The following ST6GALNAC3 variants were observed in gnomAD, a reference collection of about 807,000 sequenced individuals.
ST6GALNAC3 encodes alpha-N-acetylgalactosaminide alpha-2,6-sialyltransferase 3.
Under a neutral mutation model 32.7 loss-of-function variants are expected in ST6GALNAC3, and 25 were observed. That is an observed-to-expected ratio of 0.76 (90% CI 0.56 to 1.07). The LOEUF is 1.07. ST6GALNAC3 is among the 50% of genes least tolerant of loss of function. The pLI is 0.00. For missense variants in ST6GALNAC3, 355 were observed against 382.4 expected (o/e 0.93, Z 0.60); for synonymous variants, 129 against 133.1 (o/e 0.97, Z 0.21).
At chr1:76,228,073 G>A (rs1289500243) in intron 1 of ST6GALNAC3, among the ~76,000 whole-genome samples, 1 of 152,202 alleles carries the variant, frequency 6.6e-6, no homozygotes, top group Non-Finnish European at 1.5e-5. Context: ...CAAGAGAATT[G>A]AGGTTAGGAG....
At chr1:76,425,467 C>A (rs1371576834) in intron 3 of ST6GALNAC3, among the ~76,000 whole-genome samples, 1 of 151,900 alleles carries the variant, frequency 6.6e-6, no homozygotes, top group African/African-American at 2.4e-5. Context: ...GAAATGCAGT[C>A]TTTTACAAAC....
At chr1:76,150,646 G>T (rs1469902572) in intron 1 of ST6GALNAC3, among the ~76,000 whole-genome samples, 1 of 150,586 alleles carries the variant, frequency 6.6e-6, no homozygotes, top group African/African-American at 2.4e-5. Flanking sequence ...TGGTGCAGTG[G>T]TAGGATTCTG....
chr1:76,556,411 G>C (rs1321913270), intron 3 of ST6GALNAC3, among the ~76,000 whole-genome samples: 2 of 152,040 alleles, frequency 1.3e-5, no homozygotes, highest in African/African-American at 4.8e-5. Flanking sequence ...GAGTGGAATT[G>C]CTGGTGCTTA....
intron 1 of ST6GALNAC3, among the ~76,000 whole-genome samples, chr1:76,184,519 GCA>G (rs71071992): frequency 0.041 from 5,476 of 134,050 alleles, 128 homozygotes; most frequent in African/African-American, 0.076. Flanking sequence ...CTCCTGGGCA[GCA>G]CACACACACA....
intron 3 of ST6GALNAC3, among the ~76,000 whole-genome samples, chr1:76,513,628 C>T (rs1192036762): frequency 6.6e-6 from 1 of 152,008 alleles, no homozygotes; most frequent in African/African-American, 2.4e-5. Flanking sequence ...TTTGTGGTTC[C>T]ATATAAATGT....
At chr1:76,109,136 C>G (rs150523415) in intron 1 of ST6GALNAC3, among the ~76,000 whole-genome samples, 4 of 152,240 alleles carry the variant, frequency 2.6e-5, no homozygotes, top group African/African-American at 9.6e-5. Context: ...CAGTGGTACC[C>G]AGGCCTCGTT....
At chr1:76,442,826 T>C (rs1656710684) in intron 3 of ST6GALNAC3, among the ~76,000 whole-genome samples, 1 of 152,204 alleles carries the variant, frequency 6.6e-6, no homozygotes, top group Non-Finnish European at 1.5e-5. Flanking sequence ...GAATTTAAGA[T>C]TCAGAGATTT....
At chr1:76,446,685 C>T (rs553591468) in intron 3 of ST6GALNAC3, among the ~76,000 whole-genome samples, 1 of 152,166 alleles carries the variant, frequency 6.6e-6, no homozygotes, top group East Asian at 1.9e-4. Flanking sequence ...CAGGTCTTTC[C>T]CATGCTGTTC....
intron 1 of ST6GALNAC3, among the ~76,000 whole-genome samples, chr1:76,109,094 A>T (rs966086014): frequency 1.3e-5 from 2 of 152,186 alleles, no homozygotes; most frequent in Non-Finnish European, 2.9e-5. Flanking sequence ...GGAATCTTAC[A>T]TAACTTGGAG....
At chr1:76,158,239 T>C (rs1366415147) in intron 1 of ST6GALNAC3, among the ~76,000 whole-genome samples, 1 of 152,234 alleles carries the variant, frequency 6.6e-6, no homozygotes, top group Non-Finnish European at 1.5e-5. Context: ...CAGGTGGTTT[T>C]ACTTTTTTTT....
At chr1:76,443,396 C>G (rs530802937) in intron 3 of ST6GALNAC3, among the ~76,000 whole-genome samples, 2 of 152,322 alleles carry the variant, frequency 1.3e-5, no homozygotes, top group Middle Eastern at 3.4e-3. Flanking sequence ...TGAATTCAAA[C>G]AGTTCTAGGG....
At chr1:76,250,262 T>C (rs1657534265) in intron 1 of ST6GALNAC3, among the ~76,000 whole-genome samples, 1 of 152,204 alleles carries the variant, frequency 6.6e-6, no homozygotes, top group Non-Finnish European at 1.5e-5. Context: ...CTTGTCAGGC[T>C]TCAATGGCTT....
intron 3 of ST6GALNAC3, among the ~76,000 whole-genome samples, chr1:76,602,534 T>TA (rs1647282056): frequency 6.6e-6 from 1 of 152,108 alleles, no homozygotes; most frequent in African/African-American, 2.4e-5. Context: ...TAATACTAAA[T>TA]AATAGATTTG....
At chr1:76,230,678 G>A (rs1656317910) in intron 1 of ST6GALNAC3, among the ~76,000 whole-genome samples, 1 of 152,120 alleles carries the variant, frequency 6.6e-6, no homozygotes, top group African/African-American at 2.4e-5. Flanking sequence ...GACTTTAGTT[G>A]TGAAATATAG....
intron 1 of ST6GALNAC3, among the ~76,000 whole-genome samples, chr1:76,277,180 A>G (rs555674024): frequency 2.0e-5 from 3 of 152,176 alleles, no homozygotes; most frequent in African/African-American, 7.2e-5. Context: ...ACTATTCCTT[A>G]TGGTTGATAT....
In ST6GALNAC3 at chr1:76,455,027, C is replaced by A. The variant is rs543351309; in HGVS notation, c.623+42610C>A. Reference sequence around the variant, plus strand: ...TTTTTACAAACATTCATCTCATTGTCCTTTTATTCCACTTTCTGGGAGATT... The same window carrying A: ...TTTTTACAAACATTCATCTCATTGTACTTTTATTCCACTTTCTGGGAGATT... On this transcript the variant is annotated intron_variant, in intron 3 of 4. Transcript: ENST00000328299. 7.8e-4 allele frequency among the ~76,000 whole-genome samples: 118 copies of A among 151,740 alleles called. 4 individuals carry two copies. The South Asian group carries it at 0.024, about 31-fold the overall frequency.
At chr1:76,100,520 G>A (rs899475527) in intron 1 of ST6GALNAC3, among the ~76,000 whole-genome samples, 1 of 152,032 alleles carries the variant, frequency 6.6e-6, no homozygotes, top group African/African-American at 2.4e-5. Context: ...ACGCATTTCT[G>A]GAAGCAACCC....
chr1:76,564,973 C>T (rs770030569), intron 3 of ST6GALNAC3, among the ~76,000 whole-genome samples: 1 of 152,034 alleles, frequency 6.6e-6, no homozygotes, highest in East Asian at 1.9e-4. Context: ...ATTTTTGATT[C>T]CACTTAAAAT....
At chr1:76,618,976 C>T (rs1648467562) in intron 3 of ST6GALNAC3, among the ~76,000 whole-genome samples, 1 of 152,104 alleles carries the variant, frequency 6.6e-6, no homozygotes, top group South Asian at 2.1e-4. Flanking sequence ...TGGTCACTGA[C>T]ACAAGAAGCT....
Sources: gnomAD v4.1 joint callset for allele counts (sites outside exome capture counted in the v4.1 genomes callset) on GRCh38, gnomAD v4.1.1 for gene constraint, MANE v1.5 for transcripts, NCBI Gene and HGNC (gene_info 2026-07-23, HGNC 2026-07-21) for gene names.